ZFYVE9: variants seen among roughly 807,000 people sequenced by gnomAD.
ZFYVE9 encodes zinc finger FYVE-type containing 9.
A neutral mutation model predicts 126.7 loss-of-function variants in ZFYVE9; 43 were observed. The observed-to-expected ratio is 0.34, with a 90% CI of 0.27 to 0.44. The LOEUF (loss-of-function observed/expected upper bound fraction) is 0.44, where lower values mean the gene tolerates loss of function less well. ZFYVE9 is among the 20% of genes least tolerant of loss of function. ZFYVE9 has a pLI of 1.00. For synonymous variants in ZFYVE9, 521 were observed against 597.4 expected, an observed-to-expected ratio of 0.87 and a Z score of 1.87; for missense variants, 1,476 against 1,697.0, an observed-to-expected ratio of 0.87 and a Z score of 2.29.
intron 2 of ZFYVE9, among the ~76,000 whole-genome samples, chr1:52,221,464 A>G (rs1269522660): frequency 6.6e-6 from 1 of 152,162 alleles, no homozygotes; most frequent in Admixed American, 6.5e-5. Flanking sequence ...CTCTAATAAG[A>G]TAACTTCATA....
rs774602588 is a variant in ZFYVE9, at chr1:52,281,748, C to T, written c.2957C>T (p.Pro986Leu). 8.7e-6 allele frequency: 14 copies of T among 1,613,976 alleles called. No individual in the cohort carries two copies. Among genetic ancestry groups the T allele is most frequent in the East Asian group, 6.7e-5 (3 of 44,894 alleles). ...ATAGTCATTCTTCTACAGTGTTTACCGGATGAAAAGTGTTTGCCAAAGGAT... is the reference window on the plus strand; with the variant it reads ...ATAGTCATTCTTCTACAGTGTTTACTGGATGAAAAGTGTTTGCCAAAGGAT... The part of the protein sequence containing the change: ...SEIVILLQCL[P>L]DEKCLPKDIF... Residue 986 changes from proline (P) to leucine (L), a missense_variant, in exon 10 of 19, where the codon CCG (proline) becomes CTG (leucine). This residue lies in a region of ZFYVE9 where 669 missense variants were observed against 902.4 expected (regional missense o/e 0.74). Coordinates refer to ENST00000287727, the MANE Select transcript of ZFYVE9 (RefSeq NM_004799.4).
intron 17 of ZFYVE9, 55 bp from the exon 18 acceptor site, chr1:52,344,713 T>C: frequency 1.3e-6 from 2 of 1,593,406 alleles, no homozygotes; most frequent in Non-Finnish European, 8.6e-7. Context: ...TGAGCTAATC[T>C]ACTTCTCCCA....
chr1:52,260,544 C>T (rs550740257), intron 4 of ZFYVE9, among the ~76,000 whole-genome samples: 4 of 152,060 alleles, frequency 2.6e-5, no homozygotes, highest in South Asian at 2.1e-4. Flanking sequence ...GGGCTGGGCA[C>T]GGTAGTTCAC....
At chr1:52,203,773 T>G (rs925938652) in intron 1 of ZFYVE9, among the ~76,000 whole-genome samples, 12 of 151,934 alleles carry the variant, frequency 7.9e-5, no homozygotes, top group African/African-American at 2.7e-4. Flanking sequence ...CACTTTGCTT[T>G]TCAGGTTTGG....
At chr1:52,197,682 A>AAT (rs10645362) in intron 1 of ZFYVE9, among the ~76,000 whole-genome samples, 147,051 of 152,142 alleles carry the variant, frequency 0.97, 71,082 homozygotes, top group East Asian at 1. Flanking sequence ...GATGTGATCT[A>AAT]ATAATTGAAT....
intron 1 of ZFYVE9, among the ~76,000 whole-genome samples, chr1:52,157,474 C>T (rs1644414328): frequency 7.5e-6 from 1 of 133,090 alleles, no homozygotes; most frequent in South Asian, 2.5e-4. Flanking sequence ...GGTCTCAGCT[C>T]ACTGCAACCT....
Position 52,263,873 on chromosome 1 carries a change from G to T in ZFYVE9, c.2278+1G>T. On this transcript the variant is annotated splice_donor_variant, in intron 5 of 18. Transcript: ENST00000287727. LOFTEE classifies it high-confidence loss of function. ...ATCTGCCATTCAGTGCTAATGAATG[G>T]TAAGTATTAAAACAGGTTGATTTCA... 6.4e-7 allele frequency: 1 copy of T among 1,570,492 alleles called. No individual in the cohort carries two copies. Among genetic ancestry groups the T allele is most frequent in the Non-Finnish European group, 8.7e-7 (1 of 1,149,616 alleles).
At chr1:52,271,367 A>T (rs554104697) in intron 7 of ZFYVE9, among the ~76,000 whole-genome samples, 1 of 152,174 alleles carries the variant, frequency 6.6e-6, no homozygotes, top group Non-Finnish European at 1.5e-5. Context: ...TCTTATTTTT[A>T]TGGTCTAGTA....
At chr1:52,223,293 C>CTT (rs1645141287) in intron 2 of ZFYVE9, among the ~76,000 whole-genome samples, 1 of 152,174 alleles carries the variant, frequency 6.6e-6, no homozygotes, top group Admixed American at 6.5e-5. Flanking sequence ...TCCCTGTTCC[C>CTT]TGACTCTCAG....
chr1:52,195,054 A>T (rs1038120669), intron 1 of ZFYVE9, among the ~76,000 whole-genome samples: 1 of 152,212 alleles, frequency 6.6e-6, no homozygotes, highest in African/African-American at 2.4e-5. Flanking sequence ...TAACCTGTTA[A>T]CCTATACCTC....
chr1:52,241,078 A>G (rs1405343180), intron 4 of ZFYVE9, among the ~76,000 whole-genome samples: 2 of 152,326 alleles, frequency 1.3e-5, no homozygotes, highest in East Asian at 3.9e-4. Context: ...TCTTGCCACA[A>G]AAATGGGTAA....
chr1:52,291,220 A>G (rs1005461021), intron 10 of ZFYVE9, among the ~76,000 whole-genome samples: 2 of 152,168 alleles, frequency 1.3e-5, no homozygotes, highest in African/African-American at 2.4e-5. Flanking sequence ...TTCAGCCACA[A>G]AGCTTCTCTG....
chr1:52,308,726 C>T (rs934331731), intron 13 of ZFYVE9, among the ~76,000 whole-genome samples: 3 of 152,176 alleles, frequency 2.0e-5, no homozygotes, highest in Non-Finnish European at 4.4e-5. Context: ...ATTTAACTCC[C>T]AACTGGGGTA....
intron 4 of ZFYVE9, among the ~76,000 whole-genome samples, chr1:52,259,061 G>A (rs1410156655): frequency 1.3e-5 from 2 of 152,154 alleles, no homozygotes; most frequent in African/African-American, 4.8e-5. Flanking sequence ...TTATCTCACA[G>A]TTATTAGAAG....
chr1:52,189,897 G>A (rs1264669966), intron 1 of ZFYVE9: 2 of 152,190 alleles, frequency 1.3e-5, no homozygotes, highest in African/African-American at 2.4e-5. Context: ...CTTTCCTTAT[G>A]GAATTGTGTT....
intron 10 of ZFYVE9, among the ~76,000 whole-genome samples, chr1:52,285,438 G>A (rs370851250): frequency 8.7e-4 from 133 of 152,246 alleles, no homozygotes; most frequent in Non-Finnish European, 1.4e-3. Flanking sequence ...AGCTTCATCT[G>A]TATTTACAGC....
chr1:52,163,320 C>T (rs1644480627), intron 1 of ZFYVE9, among the ~76,000 whole-genome samples: 1 of 152,188 alleles, frequency 6.6e-6, no homozygotes, highest in African/African-American at 2.4e-5. Context: ...CTCTACATCA[C>T]TCATGTCTAT....
rs1173598795 is a variant in ZFYVE9 at position 52,216,457 on chromosome 1, G to A, written c.-54G>A. 16 of 398,312 alleles carry A rather than the reference G, an allele frequency of 4.0e-5. No individual in the cohort carries two copies. The highest frequency in any genetic ancestry group is 6.2e-4 in the Middle Eastern group (1 of 1,610). The allele number at this position is 398,312 out of a possible 1,614,324, so 24.7% of individuals were successfully genotyped here. On this transcript the variant is annotated 5_prime_UTR_variant, in exon 2 of 19. The change creates a new upstream start codon in the 5' untranslated region. Transcript: ENST00000287727. ...CACCGAGAAGTCTGTTCCTTATCAC[G>A]TGTGTAAGGGGAAAAAGGTAAGAAA...
intron 2 of ZFYVE9, among the ~76,000 whole-genome samples, chr1:52,220,574 A>G (rs953924108): frequency 9.9e-5 from 15 of 152,182 alleles, no homozygotes; most frequent in African/African-American, 3.6e-4. Context: ...TTTTCTGCAC[A>G]TGATGCAACC....
Sources: gnomAD v4.1 joint callset for allele counts (sites outside exome capture counted in the v4.1 genomes callset) on GRCh38, gnomAD v4.1.1 for gene constraint, gnomAD v4.1.1 regional missense constraint, MANE v1.5 for transcripts, NCBI Gene and HGNC (gene_info 2026-07-23, HGNC 2026-07-21) for gene names.